The following ANKRD34C variants were observed in gnomAD, a reference collection of about 807,000 sequenced individuals.
ANKRD34C encodes ankyrin repeat domain-containing protein 34C.
For missense variants in ANKRD34C, 563 were observed against 653.0 expected (o/e 0.86, Z 1.50); for synonymous variants, 260 against 253.6 (o/e 1.03, Z -0.24).
Position 79,294,029 on chromosome 15 carries a change from A to G in ANKRD34C, c.745A>G (p.Arg249Gly). 1.3e-6 allele frequency: 2 copies of G among 1,551,616 alleles called. No homozygotes were observed. The highest frequency in any genetic ancestry group is 1.7e-6 in the Non-Finnish European group (2 of 1,146,950). Reference sequence around the variant, plus strand: ...AAGGGCCCGTTTGCCTCAACTGAAGAGGCTCCAGTCTGAACCTTGGGGCCT... The same window carrying G: ...AAGGGCCCGTTTGCCTCAACTGAAGGGGCTCCAGTCTGAACCTTGGGGCCT... ...LKRARLPQLK[R>G]LQSEPWGLIA... is the part of the protein sequence containing the mutation. The change falls in exon 2 of 2, where the codon AGG becomes GGG. Residue 249 changes from arginine (R) to glycine (G), a missense_variant. By Grantham distance (125) the Arg-to-Gly change is moderately radical (BLOSUM62 -2). Coordinates refer to ENST00000421388, the MANE Select transcript of ANKRD34C (RefSeq NM_001146341.2).
chr15:79,294,502 G>A lies in ANKRD34C; in HGVS notation c.1218G>A (p.Lys406=), dbSNP rs1206426134. The change falls in exon 2 of 2, where the codon AAG becomes AAA. Residue 406 remains lysine, a synonymous_variant. Coordinates refer to ENST00000421388, the MANE Select transcript of ANKRD34C (RefSeq NM_001146341.2). ...LESGKGPLDR[K]KLNSSHLSLF... is the part of the protein sequence containing the mutation. ...CCGGCAAAGGACCTTTAGATAGAAA[G>A]AAGCTCAACAGCTCTCACTTGTCTC... 1 of 1,551,618 alleles carries A rather than the reference G, an allele frequency of 6.4e-7. No homozygotes were observed. Among genetic ancestry groups the A allele is most frequent in the Non-Finnish European group, 8.7e-7 (1 of 1,147,008 alleles).
chr15:79,292,522 G>A (rs944484730), intron 1 of ANKRD34C, among the ~76,000 whole-genome samples: 1 of 152,184 alleles, frequency 6.6e-6, no homozygotes, highest in Non-Finnish European at 1.5e-5. Flanking sequence ...TGAATACGGA[G>A]AATATGAATT....
Position 79,294,766 on chromosome 15 carries a change from G to T in ANKRD34C, c.1482G>T (p.Met494Ile). 1 of 1,551,720 alleles carries T rather than the reference G, an allele frequency of 6.4e-7. No homozygotes were observed. Among genetic ancestry groups the T allele is most frequent in the Non-Finnish European group, 8.7e-7 (1 of 1,147,008 alleles). The change falls in exon 2 of 2, where the codon ATG (methionine) becomes ATT (isoleucine). Residue 494 changes from methionine to isoleucine, a missense_variant. Transcript: ENST00000421388. ...CTCTTGCTAGTGGCTTAAAATCTAT[G>T]GTTCCTGTTGCTCCAAGTTCACCAA... ...SCSLASGLKS[M>I]VPVAPSSPKR... is the part of the protein sequence containing the mutation.
intron 1 of ANKRD34C, among the ~76,000 whole-genome samples, chr15:79,285,372 A>C (rs2058640576): frequency 6.6e-6 from 1 of 152,230 alleles, no homozygotes. Flanking sequence ...ATCCAATGTC[A>C]GTGTGACTTG....
chr15:79,293,766 C>T lies in ANKRD34C; in HGVS notation c.482C>T (p.Thr161Ile). The T allele has an allele frequency of 6.4e-7, 1 of 1,551,710 alleles. No individual in the cohort carries two copies. Among genetic ancestry groups the T allele is most frequent in the Non-Finnish European group, 8.7e-7 (1 of 1,146,998 alleles). Residue 161 changes from threonine (T) to isoleucine (I), a missense_variant, in exon 2 of 2, where the codon ACC (threonine) becomes ATC (isoleucine). Thr to Ile is a moderately conservative substitution (Grantham distance 89). Transcript: ENST00000421388. ...IITTDKSSSG[T>I]KTTKQYLNVP... The stretch of plus-strand genomic sequence containing the variant: ...ACAACAGATAAATCGTCTTCAGGCA[C>T]CAAAACCACCAAACAGTATCTTAAT...
At chr15:79,291,597 CACACAGAGAGAGAG>C (rs771854800) in intron 1 of ANKRD34C, among the ~76,000 whole-genome samples, 570 of 111,582 alleles carry the variant, frequency 5.1e-3, no homozygotes, top group Middle Eastern at 0.014. Context: ...CACACACACA[CACACAGAGAGAGAG>C]AGAGAGAGAG....
At chr15:79,287,491 C>T (rs1183558039) in intron 1 of ANKRD34C, among the ~76,000 whole-genome samples, 1 of 152,234 alleles carries the variant, frequency 6.6e-6, no homozygotes, top group African/African-American at 2.4e-5. Context: ...TTATACATCT[C>T]TTTATCCTTA....
At chr15:79,293,107 G>A (rs572857381) in intron 1 of ANKRD34C, among the ~76,000 whole-genome samples, 134 bp from the exon 2 acceptor site, 1 of 152,284 alleles carries the variant, frequency 6.6e-6, no homozygotes, top group South Asian at 2.1e-4. Context: ...ACTCAGCAAT[G>A]TTAGATAAGT....
At chr15:79,291,052 TAGG>T in intron 1 of ANKRD34C, among the ~76,000 whole-genome samples, 1 of 152,340 alleles carries the variant, frequency 6.6e-6, no homozygotes, top group East Asian at 1.9e-4. Context: ...AAGTGATTTG[TAGG>T]AGTTCTTTAT....
intron 1 of ANKRD34C, among the ~76,000 whole-genome samples, chr15:79,287,785 G>GAA (rs761499618): frequency 1.3e-5 from 2 of 152,210 alleles, no homozygotes. Context: ...GCTTCTCAGT[G>GAA]TGTTTACTTC....
In ANKRD34C at chr15:79,293,728, G is replaced by T; in HGVS notation, c.444G>T (p.Glu148Asp). 6.4e-7 allele frequency: 1 copy of T among 1,551,712 alleles called. No homozygotes were observed. The highest frequency in any genetic ancestry group is 2.4e-5 in the East Asian group (1 of 40,922). Residue 148 changes from glutamate to aspartate, a missense_variant, in exon 2 of 2, where the codon GAG (glutamate) becomes GAT (aspartate). By Grantham distance (45) the Glu-to-Asp change is conservative. Transcript: ENST00000421388. ...LLDACKAKGK[E>D]VIIITTDKSS... ...ATGCCTGCAAAGCCAAAGGGAAGGA[G>T]GTGATTATTATAACAACAGATAAAT...
chr15:79,293,457 A>C lies in ANKRD34C; in HGVS notation c.173A>C (p.Asp58Ala), dbSNP rs1019578812. The change falls in exon 2 of 2, where the codon GAC becomes GCC. Residue 58 changes from aspartate (D) to alanine (A), a missense_variant. By Grantham distance (126) the Asp-to-Ala change is moderately radical. Coordinates refer to ENST00000421388, the MANE Select transcript of ANKRD34C (RefSeq NM_001146341.2). ...GTGGCGTGCATCACCAAACATGTGG[A>C]CCAGCAAAGCATCAGCAAGTCCAAG... Reference protein sequence around the residue: ...LMVACITKHVDQQSISKSKMV... With the variant: ...LMVACITKHVAQQSISKSKMV... The C allele has an allele frequency of 7.1e-6, 11 of 1,551,654 alleles. No individual in the cohort carries two copies. The highest frequency in any genetic ancestry group is 8.7e-6 in the Non-Finnish European group (10 of 1,146,960).
At position 79,282,831 on chromosome 15, in the gene ANKRD34C, C is replaced by T. The variant is rs550367018; in HGVS notation, c.-442C>T. Reference sequence around the variant, plus strand: ...AGACCAAGCCGGAGGTCTGGGGCTGCGCAGAGACCTGCACACCCGCAGCGC... The same window carrying T: ...AGACCAAGCCGGAGGTCTGGGGCTGTGCAGAGACCTGCACACCCGCAGCGC... On this transcript the variant is annotated 5_prime_UTR_variant, in exon 1 of 2. Coordinates refer to ENST00000421388, the MANE Select transcript of ANKRD34C (RefSeq NM_001146341.2). Among the ~76,000 whole-genome samples, 1 of 152,380 alleles carries T rather than the reference C, an allele frequency of 6.6e-6. No individual in the cohort carries two copies. Among genetic ancestry groups the T allele is most frequent in the African/African-American group, 2.4e-5 (1 of 41,594 alleles).
Position 79,294,787 on chromosome 15 carries a change from A to G in ANKRD34C, c.1503A>G (p.Ser501=). ...LKSMVPVAPS[S]PKRVDLRSKK... is the part of the protein sequence containing the mutation. ...CTATGGTTCCTGTTGCTCCAAGTTC[A>G]CCAAAGAGAGTTGACTTAAGAAGTA... is the stretch of plus-strand genomic sequence containing the variant. Residue 501 remains serine, a synonymous_variant, in exon 2 of 2, where the codon TCA becomes TCG. Transcript: ENST00000421388. The G allele has an allele frequency of 4.5e-6, 7 of 1,551,756 alleles. No individual in the cohort carries two copies. The highest frequency in any genetic ancestry group is 6.1e-6 in the Non-Finnish European group (7 of 1,146,996).
intron 1 of ANKRD34C, among the ~76,000 whole-genome samples, chr15:79,291,202 C>T (rs569698342): frequency 4.0e-4 from 61 of 152,190 alleles, no homozygotes; most frequent in South Asian, 1.2e-3. Context: ...AGAGCAAGGA[C>T]GCCTTATAGT....
At chr15:79,286,336 A>T (rs1320285918) in intron 1 of ANKRD34C, among the ~76,000 whole-genome samples, 1 of 152,154 alleles carries the variant, frequency 6.6e-6, no homozygotes, top group African/African-American at 2.4e-5. Flanking sequence ...CATGAAAAAA[A>T]CCCACTTTAT....
rs564855472 is a variant in ANKRD34C, at chr15:79,292,495, A to G, written c.-44-746A>G. On this transcript the variant is annotated intron_variant, in intron 1 of 1. Coordinates refer to ENST00000421388, the MANE Select transcript of ANKRD34C (RefSeq NM_001146341.2). ...TATCAGTTCAACCAGAGGGAAGGGA[A>G]TAGCATGGCTTTATTCTGAATACGG... Among the ~76,000 whole-genome samples the G allele has an allele frequency of 3.9e-5, 6 of 152,350 alleles. No individual in the cohort carries two copies. The South Asian group carries it at 1.2e-3, about 32-fold the overall frequency.
chr15:79,288,465 A>G (rs866658916), intron 1 of ANKRD34C, among the ~76,000 whole-genome samples: 4 of 152,224 alleles, frequency 2.6e-5, no homozygotes, highest in African/African-American at 7.2e-5. Flanking sequence ...CTATTGGTCA[A>G]CATCTGTTCT....
intron 1 of ANKRD34C, among the ~76,000 whole-genome samples, chr15:79,290,745 A>C (rs1007610771): frequency 2.0e-5 from 3 of 152,230 alleles, no homozygotes; most frequent in African/African-American, 4.8e-5. Flanking sequence ...CCTAGTGTAC[A>C]TACGAGGACG....
Sources: allele counts gnomAD v4.1 joint callset (sites outside exome capture counted in the v4.1 genomes callset), GRCh38; gene constraint gnomAD v4.1.1; transcripts MANE v1.5; gene names NCBI Gene and HGNC (gene_info 2026-07-23, HGNC 2026-07-21).